The following PAWR variants were observed in gnomAD, a reference collection of about 807,000 sequenced individuals.
The protein encoded by PAWR is pro-apoptotic WT1 regulator, also known as PRKC apoptosis WT1 regulator protein.
Under a neutral mutation model 32.0 loss-of-function variants are expected in PAWR, and 23 were observed. The ratio of observed to expected loss-of-function variants is 0.72; its 90% CI spans 0.52 to 1.02. The LOEUF (loss-of-function observed/expected upper bound fraction) is 1.02. PAWR is among the 50% of genes least tolerant of loss of function. The pLI, the probability that PAWR is intolerant of heterozygous loss-of-function variation, is 0.00. For synonymous variants in PAWR, 226 were observed against 187.1 expected (o/e 1.21, Z -1.70); for missense variants, 457 against 437.7 (o/e 1.04, Z -0.39).
At chr12:79,643,715 G>A (rs954725531) in intron 2 of PAWR, among the ~76,000 whole-genome samples, 5 of 152,000 alleles carry the variant, frequency 3.3e-5, no homozygotes, top group East Asian at 1.9e-4. Flanking sequence ...ATTTATATTC[G>A]TGGCTCTAAT....
At chr12:79,598,016 G>A (rs1873827012) in intron 4 of PAWR, 1 of 152,188 alleles carries the variant, frequency 6.6e-6, no homozygotes, top group Non-Finnish European at 1.5e-5. Context: ...TCCTCACTAT[G>A]TTGGCCTCTC....
chr12:79,631,553 AT>A (rs1448426426), intron 2 of PAWR, among the ~76,000 whole-genome samples: 1 of 152,220 alleles, frequency 6.6e-6, no homozygotes, highest in African/African-American at 2.4e-5. Flanking sequence ...GAAAAATACC[AT>A]TTAAAATACA....
In PAWR at chr12:79,585,005, T is replaced by A; in HGVS notation, c.*7602A>T. On this transcript the variant is annotated 3_prime_UTR_variant, in exon 7 of 7. Coordinates refer to ENST00000328827, the MANE Select transcript of PAWR (RefSeq NM_002583.4). Reference sequence around the variant, plus strand: ...ACTTAACACAGACAAACAATGATTTTATTCCATAGTCTCTTGGACTTGAGA... The same window carrying A: ...ACTTAACACAGACAAACAATGATTTAATTCCATAGTCTCTTGGACTTGAGA... The A allele has an allele frequency of 3.7e-6, 1 of 270,366 alleles. No homozygotes were observed. The allele number at this position is 270,366 out of a possible 1,614,324, so 16.7% of individuals were successfully genotyped here.
At chr12:79,671,123 TAAAAAAAAA>T (rs80196711) in intron 2 of PAWR, among the ~76,000 whole-genome samples, 1 of 99,004 alleles carries the variant, frequency 1.0e-5, no homozygotes, top group Non-Finnish European at 2.1e-5. Flanking sequence ...CCTTAGCACT[TAAAAAAAAA>T]AAAAAAAAAA....
At chr12:79,614,031 A>T (rs1874607091) in intron 3 of PAWR, among the ~76,000 whole-genome samples, 2 of 63,570 alleles carry the variant, frequency 3.1e-5, no homozygotes, top group Non-Finnish European at 5.8e-5. Context: ...TTTTTTTGAG[A>T]AGGAGTTTCA....
intron 2 of PAWR, among the ~76,000 whole-genome samples, chr12:79,639,957 T>C (rs182243504): frequency 6.7e-6 from 1 of 148,944 alleles, no homozygotes; most frequent in East Asian, 1.9e-4. Context: ...CAGGCTGGAG[T>C]GCAGTGGCAT....
Position 79,621,107 on chromosome 12 carries a change from A to G in PAWR, c.617T>C (p.Leu206Ser), listed in dbSNP as rs755951721. The G allele has an allele frequency of 6.2e-7, 1 of 1,608,096 alleles. No homozygotes were observed. The highest frequency in any genetic ancestry group is 8.5e-7 in the Non-Finnish European group (1 of 1,176,806). ...QNTIQNEAVN[L>S]LDPGSSYLLQ... ...CAGATAGGAACTGCCTGGATCTAGT[A>G]AGTTTACAGCTTCATTCTGAATAGT... The change falls in exon 3 of 7, where the codon TTA becomes TCA. Residue 206 changes from leucine to serine, a missense_variant. Transcript: ENST00000328827.
intron 2 of PAWR, among the ~76,000 whole-genome samples, chr12:79,657,711 G>A (rs1477842472): frequency 6.6e-6 from 1 of 151,768 alleles, no homozygotes; most frequent in Non-Finnish European, 1.5e-5. Flanking sequence ...GGAGAATGGC[G>A]TGAACCCGGG....
At chr12:79,684,978 C>T (rs1878616419) in intron 2 of PAWR, among the ~76,000 whole-genome samples, 3 of 152,166 alleles carry the variant, frequency 2.0e-5, no homozygotes, top group Non-Finnish European at 4.4e-5. Flanking sequence ...CTTCTCTTCC[C>T]CATTTTCCCA....
At chr12:79,632,778 A>T (rs1326550485) in intron 2 of PAWR, among the ~76,000 whole-genome samples, 1 of 152,018 alleles carries the variant, frequency 6.6e-6, no homozygotes, top group Non-Finnish European at 1.5e-5. Context: ...ATACCCTCCC[A>T]CTAAAAGGAA....
chr12:79,657,876 T>C (rs1877171387), intron 2 of PAWR, among the ~76,000 whole-genome samples: 1 of 151,702 alleles, frequency 6.6e-6, no homozygotes, highest in Non-Finnish European at 1.5e-5. Context: ...AAACAGAGAT[T>C]ATGAAGGAAT....
At chr12:79,662,846 T>G (rs1877414829) in intron 2 of PAWR, among the ~76,000 whole-genome samples, 2 of 152,222 alleles carry the variant, frequency 1.3e-5, no homozygotes, top group South Asian at 4.1e-4. Context: ...AAGAAAATGC[T>G]GTTTTTAAAG....
Position 79,689,914 on chromosome 12 carries a change from C to A in PAWR, c.331G>T (p.Glu111Ter). The change falls in exon 2 of 7, where the codon GAG becomes TAG. Residue 111 changes from glutamate to a stop codon, truncating the protein, a stop_gained. Coordinates refer to ENST00000328827, the MANE Select transcript of PAWR (RefSeq NM_002583.4). LOFTEE classifies it high-confidence loss of function. ...AAPGPRRSED[E>*]PPAASASAAP... ...GCCGAGGCAGAGGCGGCTGGGGGCT[C>A]GTCCTCCGACCGCCGCGGGCCGGGG... is the stretch of plus-strand genomic sequence containing the variant. The A allele has an allele frequency of 7.0e-7, 1 of 1,438,624 alleles. No individual in the cohort carries two copies. The highest frequency in any genetic ancestry group is 2.9e-5 in the East Asian group (1 of 34,130). The allele number at this position is 1,438,624 out of a possible 1,614,324, so 89.1% of individuals were successfully genotyped here.
Position 79,690,890 on chromosome 12 carries a change from G to C in PAWR, c.-166C>G, listed in dbSNP as rs1417572405. 1.3e-5 allele frequency: 2 copies of C among 152,226 alleles called. No individual in the cohort carries two copies. Among genetic ancestry groups the C allele is most frequent in the Admixed American group, 1.3e-4 (2 of 15,282 alleles). The allele number at this position is 152,226 out of a possible 1,614,324, so 9.4% of individuals were successfully genotyped here. A position where few individuals can be genotyped will look rare whatever the true frequency, so the allele number is the denominator to read the frequency against. On this transcript the variant is annotated 5_prime_UTR_variant, in exon 1 of 7. Coordinates refer to ENST00000328827, the MANE Select transcript of PAWR (RefSeq NM_002583.4). ...GCCTTACCTTGGAGGAGCTTGTAGG[G>C]GACGAGGCGTAGGGCTGGGATCCGG...
rs1203903313 is a variant in PAWR at position 79,604,440 on chromosome 12, T to C, written c.684-7782A>G. The stretch of plus-strand genomic sequence containing the variant: ...TTCTAAAACTATCATGAGAATGAGA[T>C]TGGCAGCATTAAGAGATTATAGCTA... On this transcript the variant is annotated intron_variant, in intron 4 of 6. Transcript: ENST00000328827. 6 of 1,035,048 alleles carry C rather than the reference T, an allele frequency of 5.8e-6. No individual in the cohort carries two copies. The South Asian group carries it at 1.3e-4, about 22-fold the overall frequency. The allele number at this position is 1,035,048 out of a possible 1,614,324, so 64.1% of individuals were successfully genotyped here. A position where few individuals can be genotyped will look rare whatever the true frequency, so the allele number is the denominator to read the frequency against.
intron 3 of PAWR, 135 bp downstream of exon 3, chr12:79,620,941 C>T: frequency 9.1e-6 from 6 of 662,908 alleles, no homozygotes; most frequent in Non-Finnish European, 1.3e-5. Context: ...TGTCAGAACC[C>T]ACTTATGGTA....
intron 2 of PAWR, among the ~76,000 whole-genome samples, chr12:79,640,904 G>A (rs1275297534): frequency 6.6e-6 from 1 of 152,160 alleles, no homozygotes. Flanking sequence ...GAGAGCTTGT[G>A]AGTTATGTGT....
At chr12:79,690,590 A>G in intron 1 of PAWR, 199 bp from the exon 2 acceptor site, 1 of 198,224 alleles carries the variant, frequency 5.0e-6, no homozygotes, top group Non-Finnish European at 1.0e-5. Context: ...CCGCCCCTAG[A>G]AGGGAGGAGA....
chr12:79,642,545 CT>C (rs938494126), intron 2 of PAWR, among the ~76,000 whole-genome samples: 4 of 152,092 alleles, frequency 2.6e-5, no homozygotes, highest in African/African-American at 9.7e-5. Context: ...GGTCACCTTT[CT>C]TTCTCATTGT....
Sources: allele counts gnomAD v4.1 joint callset (sites outside exome capture counted in the v4.1 genomes callset), GRCh38; gene constraint gnomAD v4.1.1; transcripts MANE v1.5; gene names NCBI Gene and HGNC (gene_info 2026-07-23, HGNC 2026-07-21).